Variants in FBXW7 observed in about 807,000 individuals in gnomAD.
FBXW7 encodes F-box/WD repeat-containing protein 7.
In FBXW7, 11 loss-of-function variants were observed where a neutral mutation model predicts 86.3. That is an observed-to-expected ratio of 0.13 (90% CI 0.08 to 0.21). FBXW7 has a LOEUF of 0.21. Among genes scored for constraint, FBXW7 ranks in the 10% least tolerant of loss-of-function variants. The pLI is 1.00. For missense variants in FBXW7, 488 were observed against 847.4 expected (o/e 0.58, Z 5.27); for synonymous variants, 313 against 297.9 (o/e 1.05, Z -0.52).
intron 2 of FBXW7, among the ~76,000 whole-genome samples, chr4:152,500,182 G>A (rs1961679): frequency 0.38 from 57,047 of 151,938 alleles, 11,383 homozygotes; most frequent in African/African-American, 0.51. Flanking sequence ...GAATAGGGGA[G>A]GTAAGTGAAT....
At chr4:152,492,434 T>C (rs1463273749) in intron 2 of FBXW7, among the ~76,000 whole-genome samples, 3 of 152,188 alleles carry the variant, frequency 2.0e-5, no homozygotes, top group Non-Finnish European at 4.4e-5. Context: ...GGTGTATGCT[T>C]AAATTTATAA....
At position 152,323,166 on chromosome 4, in the gene FBXW7, A is replaced by T. The variant is rs1359596153; in HGVS notation, c.1856-17T>A. 2 of 1,608,022 alleles carry T rather than the reference A, an allele frequency of 1.2e-6. No homozygotes were observed. The highest frequency in any genetic ancestry group is 2.7e-5 in the African/African-American group (2 of 74,678). On this transcript the variant is annotated splice_polypyrimidine_tract_variant and intron_variant, in intron 13 of 13. Coordinates refer to ENST00000281708, the MANE Select transcript of FBXW7 (RefSeq NM_001349798.2). ...TGTTGGGACCTAGACAAAAACCAAA[A>T]GAATTTAATTACTGGTTAGAAATAA... is the stretch of plus-strand genomic sequence containing the variant.
intron 4 of FBXW7, among the ~76,000 whole-genome samples, chr4:152,384,053 C>T (rs1735318915): frequency 6.6e-6 from 1 of 152,122 alleles, no homozygotes; most frequent in Admixed American, 6.6e-5. Flanking sequence ...GTGGGGAAAT[C>T]AGAACCCTTG....
At chr4:152,434,819 A>T (rs1413401203) in intron 2 of FBXW7, among the ~76,000 whole-genome samples, 1 of 152,192 alleles carries the variant, frequency 6.6e-6, no homozygotes, top group African/African-American at 2.4e-5. Flanking sequence ...AATTTCAGAC[A>T]AACTGATGTG....
Position 152,508,640 on chromosome 4 carries a change from T to C in FBXW7, c.-120+26301A>G, listed in dbSNP as rs1177308915. Among the ~76,000 whole-genome samples, 6 of 144,568 alleles carry C rather than the reference T, an allele frequency of 4.2e-5. No individual in the cohort carries two copies. In the East Asian group the frequency reaches 7.9e-4, roughly 19 times the overall value. The allele number at this position is 144,568 out of a possible 152,430, so 94.8% of individuals were successfully genotyped here. A position where few individuals can be genotyped will look rare whatever the true frequency, so the allele number is the denominator to read the frequency against. ...GGAGATTGAGGCTTGCAGTGACTCA[T>C]GATCGTGCCACTGCAAAAAAAAAAA... On this transcript the variant is annotated intron_variant, in intron 2 of 13. Coordinates refer to ENST00000281708, the MANE Select transcript of FBXW7 (RefSeq NM_001349798.2).
At chr4:152,392,553 A>G (rs2126813334) in intron 4 of FBXW7, among the ~76,000 whole-genome samples, 1 of 152,300 alleles carries the variant, frequency 6.6e-6, no homozygotes, top group East Asian at 1.9e-4. Context: ...ACTGCCACCC[A>G]GAGTTAACAA....
chr4:152,331,737 C>A (rs1045412458), intron 8 of FBXW7, among the ~76,000 whole-genome samples: 3 of 152,004 alleles, frequency 2.0e-5, no homozygotes, highest in Non-Finnish European at 2.9e-5. Flanking sequence ...AAATTACATA[C>A]ATGTTATCAC....
intron 4 of FBXW7, among the ~76,000 whole-genome samples, chr4:152,380,016 T>C (rs568693099): frequency 8.2e-4 from 125 of 152,264 alleles, no homozygotes; most frequent in African/African-American, 2.8e-3. Flanking sequence ...GAAAATACCA[T>C]GCTTTCAAAT....
chr4:152,442,764 TAA>T (rs924166861), intron 2 of FBXW7, among the ~76,000 whole-genome samples: 1 of 152,156 alleles, frequency 6.6e-6, no homozygotes, highest in African/African-American at 2.4e-5. Flanking sequence ...TATGAACACT[TAA>T]AAGTTTCAGA....
At chr4:152,341,360 T>C (rs1291093042) in intron 6 of FBXW7, among the ~76,000 whole-genome samples, 1 of 152,196 alleles carries the variant, frequency 6.6e-6, no homozygotes, top group Non-Finnish European at 1.5e-5. Context: ...TTCCTTGGAA[T>C]ATTGTTTCCC....
At chr4:152,482,314 A>G (rs923569105) in intron 2 of FBXW7, among the ~76,000 whole-genome samples, 17 of 152,342 alleles carry the variant, frequency 1.1e-4, no homozygotes, top group African/African-American at 4.1e-4. Flanking sequence ...ACAGACTACA[A>G]TATTGTATAA....
At chr4:152,346,073 A>G (rs1345627401) in intron 6 of FBXW7, among the ~76,000 whole-genome samples, 5 of 152,176 alleles carry the variant, frequency 3.3e-5, no homozygotes, top group Non-Finnish European at 7.4e-5. Context: ...GTATTTTGCT[A>G]AACACTTGAT....
At chr4:152,388,272 C>G (rs1307797542) in intron 4 of FBXW7, among the ~76,000 whole-genome samples, 1 of 152,126 alleles carries the variant, frequency 6.6e-6, no homozygotes, top group African/African-American at 2.4e-5. Context: ...ATTTGGGCAA[C>G]AAGGGCGGCC....
At chr4:152,444,429 C>A (rs1416333895) in intron 2 of FBXW7, among the ~76,000 whole-genome samples, 1 of 152,060 alleles carries the variant, frequency 6.6e-6, no homozygotes, top group Non-Finnish European at 1.5e-5. Flanking sequence ...AGTCTTCCTG[C>A]GAATCTGAGT....
chr4:152,471,968 C>T (rs1295352117), intron 2 of FBXW7, among the ~76,000 whole-genome samples: 1 of 151,834 alleles, frequency 6.6e-6, no homozygotes, highest in African/African-American at 2.4e-5. Context: ...GAGAAAATAT[C>T]AGCAATGCAC....
intron 2 of FBXW7, among the ~76,000 whole-genome samples, chr4:152,503,586 T>A (rs1747150490): frequency 6.6e-6 from 1 of 151,668 alleles, no homozygotes; most frequent in African/African-American, 2.4e-5. Context: ...TTAAATCTTT[T>A]AGGTGAAATT....
intron 2 of FBXW7, among the ~76,000 whole-genome samples, chr4:152,528,946 G>A (rs1465447302): frequency 6.6e-6 from 1 of 152,096 alleles, no homozygotes; most frequent in Non-Finnish European, 1.5e-5. Context: ...CTTTGTGTGT[G>A]TGTGTGTGTG....
chr4:152,508,717 T>C (rs559056951), intron 2 of FBXW7, among the ~76,000 whole-genome samples: 11 of 147,132 alleles, frequency 7.5e-5, no homozygotes, highest in African/African-American at 2.8e-4. Context: ...TGGTGAGAAA[T>C]GTTAATTACC....
chr4:152,471,216 C>A (rs1560938990), intron 2 of FBXW7, among the ~76,000 whole-genome samples: 1 of 151,248 alleles, frequency 6.6e-6, no homozygotes, highest in African/African-American at 2.4e-5. Flanking sequence ...TATTAGAGAC[C>A]TATATATATA....
Sources: allele counts gnomAD v4.1 joint callset (sites outside exome capture counted in the v4.1 genomes callset), GRCh38; gene constraint gnomAD v4.1.1; transcripts MANE v1.5; gene names NCBI Gene and HGNC (gene_info 2026-07-23, HGNC 2026-07-21).